The following KLHL29 variants were observed in gnomAD, a reference collection of about 807,000 sequenced individuals.
The protein encoded by KLHL29 is kelch-like protein 29.
KLHL29 carries 21 observed loss-of-function variants against 80.4 expected under a neutral mutation model. The observed-to-expected ratio is 0.26, with a 90% CI of 0.19 to 0.38. KLHL29 has a LOEUF of 0.38. Among genes scored for constraint, KLHL29 ranks in the 10% least tolerant of loss-of-function variants. KLHL29 has a pLI of 1.00. For missense variants in KLHL29, 867 were observed against 1,223.9 expected, an observed-to-expected ratio of 0.71 and a Z score of 4.35; for synonymous variants, 511 against 526.8, an observed-to-expected ratio of 0.97 and a Z score of 0.41.
At chr2:23,670,040 C>T (rs1670666649) in intron 5 of KLHL29, 1 of 152,118 alleles carries the variant, frequency 6.6e-6, no homozygotes, top group South Asian at 2.1e-4. Context: ...GGCCCCAGAG[C>T]ATGGGCCGTG....
Position 23,493,235 on chromosome 2 carries a change from T to A in KLHL29, c.-46+17568T>A, listed in dbSNP as rs74681721. Among the ~76,000 whole-genome samples the A allele has an allele frequency of 6.6e-3, 1,003 of 152,222 alleles. 14 individuals carry two copies. The highest frequency in any genetic ancestry group is 0.023 in the African/African-American group (940 of 41,532). On this transcript the variant is annotated intron_variant, in intron 2 of 13. Coordinates refer to ENST00000486442, the MANE Select transcript of KLHL29 (RefSeq NM_052920.2). ...CAGCTCCCAGGGGGCCTCTGGGAGCTTTTGCTTCTCTGCTTGCTGTTTAAG... is the reference window on the plus strand; with the variant it reads ...CAGCTCCCAGGGGGCCTCTGGGAGCATTTGCTTCTCTGCTTGCTGTTTAAG...
At chr2:23,521,619 C>G (rs1487381548) in intron 2 of KLHL29, among the ~76,000 whole-genome samples, 1 of 152,208 alleles carries the variant, frequency 6.6e-6, no homozygotes, top group African/African-American at 2.4e-5. Flanking sequence ...CTCCAGGTGA[C>G]CCAGACACTG....
chr2:23,695,792 C>T lies in KLHL29; in HGVS notation c.1712C>T (p.Thr571Met). 3 of 1,550,566 alleles carry T rather than the reference C, an allele frequency of 1.9e-6. No homozygotes were observed. The highest frequency in any genetic ancestry group is 1.7e-6 in the Non-Finnish European group (2 of 1,146,838). The change falls in exon 9 of 14, where the codon ACG (threonine) becomes ATG (methionine). Residue 571 changes from threonine to methionine, a missense_variant. This residue lies in a region of KLHL29 where 443 missense variants were observed against 767.0 expected (regional missense o/e 0.58). Coordinates refer to ENST00000486442, the MANE Select transcript of KLHL29 (RefSeq NM_052920.2). The surrounding 1 kb of genome is among the most constrained non-coding windows in gnomAD (Gnocchi z 7.6). ...MLPHARQEMQ[T>M]PRTRPRLSAG... ...CCCCACGCCCGCCAGGAGATGCAGA[C>T]GCCCCGAACCCGGCCGCGCCTCTCT...
At chr2:23,526,148 G>A (rs1436724991) in intron 2 of KLHL29, among the ~76,000 whole-genome samples, 1 of 152,244 alleles carries the variant, frequency 6.6e-6, no homozygotes, top group Admixed American at 6.5e-5. Context: ...AAGTCATTGA[G>A]TAGAAGATTC....
intron 3 of KLHL29, among the ~76,000 whole-genome samples, chr2:23,628,585 G>C (rs899793523): frequency 1.2e-4 from 19 of 152,198 alleles, no homozygotes; most frequent in Non-Finnish European, 1.5e-5. Flanking sequence ...CCAGGAGTTT[G>C]AGGCTGCACT....
chr2:23,598,883 G>A (rs1277759686), intron 3 of KLHL29, among the ~76,000 whole-genome samples: 1 of 152,214 alleles, frequency 6.6e-6, no homozygotes, highest in African/African-American at 2.4e-5. Context: ...TCATAGGGGT[G>A]GCCCTCTTCG....
chr2:23,439,199 C>G, intron 1 of KLHL29, among the ~76,000 whole-genome samples: 1 of 151,622 alleles, frequency 6.6e-6, no homozygotes, highest in Admixed American at 6.6e-5. Context: ...ATTCTTCTCT[C>G]TTTTTTTCTT....
At chr2:23,494,834 C>G (rs1558359211) in intron 2 of KLHL29, among the ~76,000 whole-genome samples, 1 of 152,168 alleles carries the variant, frequency 6.6e-6, no homozygotes, top group Non-Finnish European at 1.5e-5. Flanking sequence ...TGTCTTCTTT[C>G]CACACACCCA....
intron 2 of KLHL29, among the ~76,000 whole-genome samples, chr2:23,541,914 G>A (rs1237753690): frequency 6.6e-6 from 1 of 152,174 alleles, no homozygotes; most frequent in Non-Finnish European, 1.5e-5. Context: ...AGAAGCTCTT[G>A]TTTCTGGCAA....
intron 2 of KLHL29, among the ~76,000 whole-genome samples, chr2:23,549,514 T>C (rs1334188257): frequency 6.6e-6 from 1 of 151,826 alleles, no homozygotes; most frequent in Non-Finnish European, 1.5e-5. Flanking sequence ...ATAAAGACGA[T>C]GAAAATCTGA....
intron 1 of KLHL29, among the ~76,000 whole-genome samples, chr2:23,464,003 G>A (rs772619394): frequency 3.3e-5 from 5 of 152,154 alleles, no homozygotes; most frequent in Non-Finnish European, 5.9e-5. Context: ...ATTTTTTTCA[G>A]ATAATTGGAA....
intron 2 of KLHL29, among the ~76,000 whole-genome samples, chr2:23,519,415 C>T (rs1414890365): frequency 6.6e-6 from 1 of 152,140 alleles, no homozygotes; most frequent in East Asian, 1.9e-4. Context: ...CGATGACTCC[C>T]CCTGGCCAGT....
chr2:23,522,297 G>T (rs1666129719), intron 2 of KLHL29, among the ~76,000 whole-genome samples: 1 of 152,038 alleles, frequency 6.6e-6, no homozygotes, highest in South Asian at 2.1e-4. Flanking sequence ...CTATAGGCGT[G>T]TACCATCACG....
Position 23,608,863 on chromosome 2 carries a change from G to T in KLHL29, c.286-30276G>T, listed in dbSNP as rs79595931. The stretch of plus-strand genomic sequence containing the variant: ...CTGTTTTATCACCATTAATAATAAC[G>T]ATAAAGATAATAATAATAATAAAAC... On this transcript the variant is annotated intron_variant, in intron 3 of 13. Coordinates refer to ENST00000486442, the MANE Select transcript of KLHL29 (RefSeq NM_052920.2). Among the ~76,000 whole-genome samples, 249 of 152,150 alleles carry T rather than the reference G, an allele frequency of 1.6e-3. 2 individuals carry two copies. The highest frequency in any genetic ancestry group is 3.9e-3 in the East Asian group (20 of 5,192).
intron 1 of KLHL29, among the ~76,000 whole-genome samples, chr2:23,412,061 G>T (rs1451769011): frequency 6.6e-6 from 1 of 151,148 alleles, no homozygotes; most frequent in African/African-American, 2.4e-5. Flanking sequence ...GTGGGAATGT[G>T]AGGTGGTTTC....
chr2:23,655,457 C>T (rs1670219216), intron 5 of KLHL29, among the ~76,000 whole-genome samples: 1 of 152,158 alleles, frequency 6.6e-6, no homozygotes, highest in Non-Finnish European at 1.5e-5. Flanking sequence ...AATGAGGAGC[C>T]ACCAGCACAG....
chr2:23,640,461 A>G (rs1669736896), intron 4 of KLHL29, among the ~76,000 whole-genome samples: 1 of 152,004 alleles, frequency 6.6e-6, no homozygotes, highest in Non-Finnish European at 1.5e-5. Flanking sequence ...TGAAGTTCTG[A>G]TGCATTTTTC....
intron 1 of KLHL29, among the ~76,000 whole-genome samples, chr2:23,425,542 C>T (rs75426539): frequency 7.6e-4 from 115 of 152,294 alleles, no homozygotes; most frequent in African/African-American, 2.5e-3. Flanking sequence ...AAGAACGCAA[C>T]GCTGGGCAGG....
chr2:23,426,708 A>G (rs547747569), intron 1 of KLHL29, among the ~76,000 whole-genome samples: 53 of 152,310 alleles, frequency 3.5e-4, no homozygotes, highest in African/African-American at 1.3e-3. Context: ...TGGCCCGAGA[A>G]TCCAGTGCAG....
Sources: allele counts gnomAD v4.1 joint callset (sites outside exome capture counted in the v4.1 genomes callset), GRCh38; gene constraint gnomAD v4.1.1; regional missense constraint gnomAD v4.1.1; non-coding constraint Gnocchi (gnomAD v3.1); transcripts MANE v1.5; gene names NCBI Gene and HGNC (gene_info 2026-07-23, HGNC 2026-07-21).